Variants in ADGRB3 observed in about 807,000 individuals in gnomAD.
The protein encoded by ADGRB3 is brain-specific angiogenesis inhibitor 3.
In ADGRB3, 37 loss-of-function variants were observed where a neutral mutation model predicts 193.4. That is an observed-to-expected ratio of 0.19 (90% CI 0.15 to 0.25). The LOEUF (loss-of-function observed/expected upper bound fraction) is 0.25, where lower values mean the gene tolerates loss of function less well. Among genes scored for constraint, ADGRB3 ranks in the 10% least tolerant of loss-of-function variants. ADGRB3 has a pLI of 1.00. For missense variants in ADGRB3, 1,637 were observed against 1,852.9 expected (o/e 0.88, Z 2.14); for synonymous variants, 690 against 644.2 (o/e 1.07, Z -1.08).
chr6:69,355,896 G>A (rs748876611), intron 28 of ADGRB3, 36 bp downstream of exon 28: 4 of 1,487,184 alleles, frequency 2.7e-6, no homozygotes, highest in Non-Finnish European at 3.7e-6. Context: ...TAATCAGTAG[G>A]GATGTTCAAT....
intron 3 of ADGRB3, among the ~76,000 whole-genome samples, chr6:68,867,330 G>T (rs992029187): frequency 6.6e-6 from 1 of 152,178 alleles, no homozygotes; most frequent in African/African-American, 2.4e-5. Context: ...CCCATGCCTT[G>T]GTGGCTTCCA....
chr6:69,085,392 TG>T (rs1772517684), intron 17 of ADGRB3, among the ~76,000 whole-genome samples: 1 of 152,048 alleles, frequency 6.6e-6, no homozygotes, highest in Non-Finnish European at 1.5e-5. Context: ...AATATATTAA[TG>T]GGTATAGTAT....
intron 17 of ADGRB3, among the ~76,000 whole-genome samples, chr6:69,191,611 A>C (rs914790409): frequency 2.6e-5 from 4 of 152,136 alleles, no homozygotes; most frequent in Non-Finnish European, 5.9e-5. Flanking sequence ...CTAATGGACA[A>C]AGCTTTGGGG....
At chr6:68,727,173 G>A (rs1765688751) in intron 3 of ADGRB3, among the ~76,000 whole-genome samples, 1 of 151,506 alleles carries the variant, frequency 6.6e-6, no homozygotes, top group South Asian at 2.1e-4. Context: ...AGTGTTAGTA[G>A]CTTTGTGGAG....
intron 3 of ADGRB3, among the ~76,000 whole-genome samples, chr6:68,677,521 CT>C (rs1002070733): frequency 0.042 from 5,085 of 120,218 alleles, 183 homozygotes; most frequent in African/African-American, 0.14. Context: ...TTCTTTTTTT[CT>C]TTTTTTTTTT....
At chr6:68,970,896 T>C (rs2150263461) in intron 8 of ADGRB3, among the ~76,000 whole-genome samples, 1 of 152,286 alleles carries the variant, frequency 6.6e-6, no homozygotes, top group East Asian at 1.9e-4. Flanking sequence ...ATGGATCCAA[T>C]GGTTTTAGTT....
intron 3 of ADGRB3, among the ~76,000 whole-genome samples, chr6:68,923,047 T>A (rs1445294355): frequency 6.6e-6 from 1 of 152,114 alleles, no homozygotes; most frequent in African/African-American, 2.4e-5. Flanking sequence ...GGAATTAGAG[T>A]TATTTTAGAA....
At chr6:69,240,932 C>G (rs1409176612) in intron 20 of ADGRB3, among the ~76,000 whole-genome samples, 1 of 151,982 alleles carries the variant, frequency 6.6e-6, no homozygotes, top group African/African-American at 2.4e-5. Context: ...AAAAGTCAAG[C>G]TAAAGCCAGC....
chr6:68,754,365 C>G (rs1435682975), intron 3 of ADGRB3, among the ~76,000 whole-genome samples: 1 of 152,070 alleles, frequency 6.6e-6, no homozygotes, highest in Admixed American at 6.6e-5. Flanking sequence ...AAGGGGATCA[C>G]CAAGTGTAAC....
intron 29 of ADGRB3, 129 bp from the exon 30 acceptor site, chr6:69,372,277 T>C: frequency 2.3e-6 from 1 of 434,504 alleles, no homozygotes; most frequent in Non-Finnish European, 4.2e-6. Flanking sequence ...CATTTTTCCT[T>C]ATGTGAAGGA....
chr6:68,936,918 G>A (rs757060474), intron 5 of ADGRB3, among the ~76,000 whole-genome samples: 19 of 152,174 alleles, frequency 1.2e-4, no homozygotes, highest in Non-Finnish European at 1.6e-4. Context: ...TCTAATCTGT[G>A]TGTATCTACT....
chr6:69,055,183 T>C (rs1292259622), intron 15 of ADGRB3, among the ~76,000 whole-genome samples: 1 of 152,246 alleles, frequency 6.6e-6, no homozygotes, highest in Non-Finnish European at 1.5e-5. Context: ...CCATAATAAC[T>C]ATTTTTAGTG....
intron 26 of ADGRB3, among the ~76,000 whole-genome samples, chr6:69,340,282 ATGT>A (rs1561992543): frequency 6.6e-6 from 1 of 152,316 alleles, no homozygotes; most frequent in African/African-American, 2.4e-5. Flanking sequence ...TAGAAATAAA[ATGT>A]TGTTTTCCAA....
intron 12 of ADGRB3, among the ~76,000 whole-genome samples, chr6:69,017,263 A>G (rs1235493267): frequency 1.3e-5 from 2 of 151,902 alleles, no homozygotes; most frequent in Admixed American, 6.6e-5. Flanking sequence ...AGCTCTGACT[A>G]TATGCTTTTC....
At chr6:69,358,757 C>G (rs1769384039) in intron 28 of ADGRB3, among the ~76,000 whole-genome samples, 1 of 151,762 alleles carries the variant, frequency 6.6e-6, no homozygotes, top group South Asian at 2.1e-4. Context: ...CTCGAAAGTC[C>G]CATCACTTTA....
At chr6:68,853,070 A>G (rs1012694400) in intron 3 of ADGRB3, among the ~76,000 whole-genome samples, 1 of 152,076 alleles carries the variant, frequency 6.6e-6, no homozygotes, top group Non-Finnish European at 1.5e-5. Flanking sequence ...GAAATATCAT[A>G]TAGTTTACAT....
chr6:68,743,154 T>C (rs1766013776), intron 3 of ADGRB3, among the ~76,000 whole-genome samples: 1 of 152,070 alleles, frequency 6.6e-6, no homozygotes, highest in Admixed American at 6.6e-5. Flanking sequence ...CTGTTCCTTC[T>C]TTTATTGTTA....
intron 20 of ADGRB3, among the ~76,000 whole-genome samples, chr6:69,311,109 T>C (rs1768181302): frequency 6.6e-6 from 1 of 151,752 alleles, no homozygotes. Flanking sequence ...ATAAGGGATT[T>C]GCTACAATGT....
At chr6:69,345,835 T>C (rs1769074403) in intron 26 of ADGRB3, among the ~76,000 whole-genome samples, 1 of 152,180 alleles carries the variant, frequency 6.6e-6, no homozygotes, top group South Asian at 2.1e-4. Context: ...GCAGATGACA[T>C]GATTGCATAT....
Sources: allele counts gnomAD v4.1 joint callset (sites outside exome capture counted in the v4.1 genomes callset), GRCh38; gene constraint gnomAD v4.1.1; transcripts MANE v1.5; gene names NCBI Gene and HGNC (gene_info 2026-07-23, HGNC 2026-07-21).